The following CAP2 variants were observed in gnomAD, a reference collection of about 807,000 sequenced individuals.
CAP2 encodes adenylyl cyclase-associated protein 2.
CAP2 carries 24 observed loss-of-function variants against 57.7 expected under a neutral mutation model. That is an observed-to-expected ratio of 0.42 (90% confidence interval 0.30 to 0.58). The LOEUF is 0.58. Ranked by LOEUF, CAP2 falls within the 20% of genes least tolerant of loss-of-function variation. The pLI is 0.22. For missense variants in CAP2, 501 were observed against 590.3 expected, an observed-to-expected ratio of 0.85 and a Z score of 1.57; for synonymous variants, 194 against 207.2, an observed-to-expected ratio of 0.94 and a Z score of 0.55.
chr6:17,545,483 A>C (rs925818409), intron 11 of CAP2, among the ~76,000 whole-genome samples: 1 of 152,248 alleles, frequency 6.6e-6, no homozygotes, highest in African/African-American at 2.4e-5. Flanking sequence ...TTTCAAACAG[A>C]TAGGCAGATA....
rs142549251 is a variant in CAP2 at position 17,522,635 on chromosome 6, A to G, written c.636+8681A>G. On this transcript the variant is annotated intron_variant, in intron 7 of 12. Transcript: ENST00000229922. ...AGCATATGTACGTAAGACATGAACA[A>G]TGTACTTTGAGAGAAAGGCTGGTGG... Among the ~76,000 whole-genome samples, 131 of 152,284 alleles carry G rather than the reference A, an allele frequency of 8.6e-4. 1 individual carries two copies. The highest frequency in any genetic ancestry group is 2.7e-3 in the African/African-American group (112 of 41,562).
At chr6:17,452,383 T>C (rs1441417869) in intron 3 of CAP2, among the ~76,000 whole-genome samples, 2 of 152,240 alleles carry the variant, frequency 1.3e-5, no homozygotes, top group Non-Finnish European at 2.9e-5. Flanking sequence ...TCGATGGCAC[T>C]TCTGGCTTAC....
chr6:17,475,444 C>T (rs1292223235), intron 4 of CAP2, among the ~76,000 whole-genome samples: 2 of 152,050 alleles, frequency 1.3e-5, no homozygotes, highest in African/African-American at 2.4e-5. Context: ...GAAGAACAAG[C>T]GAGATAGTGT....
chr6:17,538,292 A>T (rs1762819924), intron 7 of CAP2, among the ~76,000 whole-genome samples: 2 of 152,120 alleles, frequency 1.3e-5, no homozygotes, highest in South Asian at 4.2e-4. Flanking sequence ...TCTCAAAAAA[A>T]AAAAAAATTA....
intron 4 of CAP2, among the ~76,000 whole-genome samples, chr6:17,484,362 G>C (rs1761370448): frequency 6.6e-6 from 1 of 152,234 alleles, no homozygotes; most frequent in Admixed American, 6.5e-5. Flanking sequence ...GTCATGAATT[G>C]TTGGAACCTG....
intron 7 of CAP2, chr6:17,531,747 C>G (rs1465711153): frequency 1.7e-5 from 10 of 596,236 alleles, no homozygotes; most frequent in Non-Finnish European, 3.0e-5. Flanking sequence ...ATATACATTC[C>G]CCCCATGCTT....
At chr6:17,411,959 T>G (rs1402750769) in intron 1 of CAP2, among the ~76,000 whole-genome samples, 1 of 152,134 alleles carries the variant, frequency 6.6e-6, no homozygotes, top group Non-Finnish European at 1.5e-5. Context: ...GGGAATGAGC[T>G]CCTCTTCAGT....
intron 1 of CAP2, among the ~76,000 whole-genome samples, chr6:17,404,125 T>C (rs977287670): frequency 1.3e-5 from 2 of 152,182 alleles, no homozygotes; most frequent in Admixed American, 6.5e-5. Flanking sequence ...TTAATTGACA[T>C]AGTTCTAGTG....
chr6:17,467,112 C>T (rs10949427), intron 4 of CAP2, among the ~76,000 whole-genome samples: 5,253 of 152,256 alleles, frequency 0.035, 120 homozygotes, highest in Non-Finnish European at 0.052. Context: ...AGTGACCACT[C>T]TTGCTGCCAC....
intron 11 of CAP2, among the ~76,000 whole-genome samples, chr6:17,546,967 G>A (rs1005893901): frequency 6.6e-6 from 1 of 152,098 alleles, no homozygotes. Flanking sequence ...TAAGCTGATA[G>A]GCAACTTCAG....
chr6:17,421,028 A>G (rs1211507445), intron 1 of CAP2, among the ~76,000 whole-genome samples: 1 of 152,258 alleles, frequency 6.6e-6, no homozygotes, highest in East Asian at 1.9e-4. Flanking sequence ...AATGTGGTAT[A>G]TATGCACTAT....
At position 17,513,941 on chromosome 6, in the gene CAP2, C is replaced by A. The variant is rs773048011; in HGVS notation, c.623C>A (p.Thr208Lys). ...YIKEHHTTGLTWSKTGPVAST... is the reference protein window; with the variant it reads ...YIKEHHTTGLKWSKTGPVAST... ...AAGGAACACCACACCACGGGCCTCA[C>A]ATGGAGCAAAACAGTGAGTACGAGG... Residue 208 changes from threonine (T) to lysine (K), a missense_variant, in exon 7 of 13, where the codon ACA becomes AAA. Coordinates refer to ENST00000229922, the MANE Select transcript of CAP2 (RefSeq NM_006366.3). This position sits in a 1 kb window ranked among gnomAD's most constrained non-coding sequence, Gnocchi z 4.3. 1 of 1,609,492 alleles carries A rather than the reference C, an allele frequency of 6.2e-7. No homozygotes were observed. The highest frequency in any genetic ancestry group is 8.5e-7 in the Non-Finnish European group (1 of 1,175,784).
chr6:17,485,676 T>C (rs1445210985), intron 4 of CAP2, among the ~76,000 whole-genome samples: 3 of 152,228 alleles, frequency 2.0e-5, no homozygotes, highest in African/African-American at 7.2e-5. Context: ...CCAAAAAATA[T>C]ATGCATTTTC....
chr6:17,418,041 G>A (rs1046904559), intron 1 of CAP2, among the ~76,000 whole-genome samples: 2 of 152,126 alleles, frequency 1.3e-5, no homozygotes, highest in Non-Finnish European at 2.9e-5. Flanking sequence ...GAATGCTAAG[G>A]CGGATGGGAC....
At chr6:17,543,624 C>CAAAAAAAAAAA (rs66747239) in intron 11 of CAP2, among the ~76,000 whole-genome samples, 1 of 83,916 alleles carries the variant, frequency 1.2e-5, no homozygotes, top group Admixed American at 1.4e-4. Context: ...GACTCCATCT[C>CAAAAAAAAAAA]AAAAAAAAAA....
intron 3 of CAP2, among the ~76,000 whole-genome samples, chr6:17,450,668 T>C (rs1760378409): frequency 6.6e-6 from 1 of 152,230 alleles, no homozygotes; most frequent in East Asian, 1.9e-4. Flanking sequence ...TTTAAATAAA[T>C]GTACCCAGTG....
chr6:17,488,686 A>G, intron 4 of CAP2, among the ~76,000 whole-genome samples: 1 of 152,224 alleles, frequency 6.6e-6, no homozygotes, highest in Non-Finnish European at 1.5e-5. Flanking sequence ...CACTAAGAGA[A>G]TTAGCATCTA....
chr6:17,426,682 G>T lies in CAP2; in HGVS notation c.214G>T (p.Glu72Ter). ...CAGTAGGATCCTTGCTGGGGACGTG[G>T]AGACCCATGTAAGTACTTTCCTCCC... The part of the protein sequence containing the change: ...KNSRILAGDV[E>*]THAEMVHSAF... The change falls in exon 3 of 13, where the codon GAG (glutamate) becomes TAG (stop). Residue 72 changes from glutamate (E) to a stop codon, truncating the protein, a stop_gained. Transcript: ENST00000229922. LOFTEE classifies it high-confidence loss of function. 6.2e-7 allele frequency: 1 copy of T among 1,611,362 alleles called. No homozygotes were observed.
At chr6:17,527,051 A>C (rs1762529909) in intron 7 of CAP2, among the ~76,000 whole-genome samples, 1 of 152,134 alleles carries the variant, frequency 6.6e-6, no homozygotes, top group South Asian at 2.1e-4. Context: ...AGCATCCCTA[A>C]ATAAACAAAA....
Sources: gnomAD v4.1 joint callset for allele counts (sites outside exome capture counted in the v4.1 genomes callset) on GRCh38, gnomAD v4.1.1 for gene constraint, Gnocchi (gnomAD v3.1) non-coding constraint, MANE v1.5 for transcripts, NCBI Gene and HGNC (gene_info 2026-07-23, HGNC 2026-07-21) for gene names.